RALYL: variants seen among roughly 807,000 people sequenced by gnomAD.
The protein encoded by RALYL is RALY RNA binding protein like.
Under a neutral mutation model 35.1 loss-of-function variants are expected in RALYL, and 29 were observed. The observed-to-expected ratio is 0.83, with a 90% confidence interval of 0.61 to 1.13. The LOEUF (loss-of-function observed/expected upper bound fraction) is 1.13. Ranked by LOEUF, RALYL falls within the 50% of genes most tolerant of loss-of-function variation. The probability of loss-of-function intolerance (pLI) is 0.00; values close to 1 mark genes in which losing one functional copy is unlikely to be tolerated. For synonymous variants in RALYL, 120 were observed against 127.6 expected (o/e 0.94, Z 0.40); for missense variants, 359 against 360.4 (o/e 1.00, Z 0.03).
intron 2 of RALYL, among the ~76,000 whole-genome samples, chr8:84,536,251 T>C (rs946102681): frequency 3.9e-5 from 6 of 152,276 alleles, no homozygotes; most frequent in Middle Eastern, 3.4e-3. Flanking sequence ...AAAGAAAGTA[T>C]CATGGAAGAG....
At chr8:84,523,982 G>A (rs1218358213) in intron 1 of RALYL, among the ~76,000 whole-genome samples, 3 of 152,042 alleles carry the variant, frequency 2.0e-5, no homozygotes, top group Non-Finnish European at 2.9e-5. Context: ...ACATACATGT[G>A]CATGTGTCTT....
intron 4 of RALYL, among the ~76,000 whole-genome samples, chr8:84,834,000 C>T (rs1006941487): frequency 1.3e-5 from 2 of 151,980 alleles, no homozygotes; most frequent in African/African-American, 2.4e-5. Flanking sequence ...AGCTAGTCTC[C>T]ACCATAAAGA....
intron 2 of RALYL, among the ~76,000 whole-genome samples, chr8:84,701,326 T>C (rs1053310717): frequency 2.0e-5 from 3 of 152,184 alleles, no homozygotes; most frequent in Non-Finnish European, 4.4e-5. Flanking sequence ...TTGTAGGAGC[T>C]GTCTGGTCTC....
intron 2 of RALYL, among the ~76,000 whole-genome samples, chr8:84,651,710 G>A (rs1828868225): frequency 6.6e-6 from 1 of 152,058 alleles, no homozygotes; most frequent in African/African-American, 2.4e-5. Context: ...CGTGTTATAT[G>A]AAAAAAACTT....
At chr8:84,205,683 T>C (rs1444998168) in intron 1 of RALYL, among the ~76,000 whole-genome samples, 1 of 152,232 alleles carries the variant, frequency 6.6e-6, no homozygotes, top group Non-Finnish European at 1.5e-5. Context: ...TCAAGTAATC[T>C]ATCTTTGTAA....
chr8:84,757,865 C>A (rs1342673327), intron 2 of RALYL, among the ~76,000 whole-genome samples: 1 of 152,046 alleles, frequency 6.6e-6, no homozygotes, highest in Non-Finnish European at 1.5e-5. Flanking sequence ...GAGAATATTT[C>A]TATATGGCAA....
intron 2 of RALYL, 41 bp from the exon 3 acceptor site, chr8:84,774,538 C>T (rs762363569): frequency 3.4e-5 from 44 of 1,286,900 alleles, no homozygotes; most frequent in Middle Eastern, 3.7e-4. Flanking sequence ...CAGATGGTTT[C>T]GTATTTTCTT....
intron 1 of RALYL, among the ~76,000 whole-genome samples, chr8:84,523,682 C>T (rs1432222728): frequency 1.6e-5 from 2 of 121,406 alleles, no homozygotes; most frequent in Non-Finnish European, 3.3e-5. Context: ...CACCCCACCA[C>T]AGTCCCCAGA....
At chr8:84,697,711 G>A (rs1402390790) in intron 2 of RALYL, among the ~76,000 whole-genome samples, 1 of 151,940 alleles carries the variant, frequency 6.6e-6, no homozygotes, top group African/African-American at 2.4e-5. Flanking sequence ...GTACCTATTA[G>A]TTATTTTTTC....
chr8:84,447,524 G>A (rs569139324), intron 1 of RALYL, among the ~76,000 whole-genome samples: 33 of 152,158 alleles, frequency 2.2e-4, no homozygotes, highest in Middle Eastern at 3.4e-3. Context: ...ATTTGTTTGA[G>A]AGAGTAAATC....
intron 1 of RALYL, among the ~76,000 whole-genome samples, chr8:84,290,546 G>A (rs1405895664): frequency 6.6e-6 from 1 of 152,150 alleles, no homozygotes; most frequent in African/African-American, 2.4e-5. Flanking sequence ...GCCAGGATGA[G>A]CCAGGAAAAG....
chr8:84,246,840 C>T (rs1829196441), intron 1 of RALYL, among the ~76,000 whole-genome samples: 1 of 151,972 alleles, frequency 6.6e-6, no homozygotes, highest in Non-Finnish European at 1.5e-5. Flanking sequence ...AACAACTGAC[C>T]AATCTCCAAG....
chr8:84,811,446 A>G (rs1266589836), intron 4 of RALYL, among the ~76,000 whole-genome samples: 1 of 151,972 alleles, frequency 6.6e-6, no homozygotes, highest in Non-Finnish European at 1.5e-5. Flanking sequence ...ATCTCTTAAG[A>G]TTCTTTCCTT....
chr8:84,575,420 A>T (rs1809118394), intron 2 of RALYL, among the ~76,000 whole-genome samples: 1 of 152,184 alleles, frequency 6.6e-6, no homozygotes, highest in Non-Finnish European at 1.5e-5. Flanking sequence ...CTTTAGTTTG[A>T]GGATAAAATT....
intron 2 of RALYL, among the ~76,000 whole-genome samples, chr8:84,596,901 C>G (rs549086446): frequency 6.6e-6 from 1 of 152,008 alleles, no homozygotes; most frequent in Admixed American, 6.6e-5. Flanking sequence ...TTACTGATAT[C>G]AATAGAGCAG....
chr8:84,814,326 C>T (rs1388413336), intron 4 of RALYL, among the ~76,000 whole-genome samples: 4 of 151,984 alleles, frequency 2.6e-5, no homozygotes, highest in Non-Finnish European at 5.9e-5. Flanking sequence ...ATTATAAAAA[C>T]CAACAGAAGT....
At chr8:84,659,899 C>T (rs1047933607) in intron 2 of RALYL, among the ~76,000 whole-genome samples, 1 of 151,984 alleles carries the variant, frequency 6.6e-6, no homozygotes, top group African/African-American at 2.4e-5. Context: ...AGTAGGATTA[C>T]TAATATCATT....
intron 2 of RALYL, among the ~76,000 whole-genome samples, chr8:84,583,147 T>G (rs974847472): frequency 6.6e-6 from 1 of 152,134 alleles, no homozygotes; most frequent in Non-Finnish European, 1.5e-5. Flanking sequence ...TAAATAACAG[T>G]GCCTTTTAAA....
chr8:84,720,626 A>G (rs1318862071), intron 2 of RALYL, among the ~76,000 whole-genome samples: 1 of 152,204 alleles, frequency 6.6e-6, no homozygotes, highest in Non-Finnish European at 1.5e-5. Flanking sequence ...ATCGAAAGCA[A>G]AAGTAGAAAA....
Sources: gnomAD v4.1 joint callset for allele counts (sites outside exome capture counted in the v4.1 genomes callset) on GRCh38, gnomAD v4.1.1 for gene constraint, MANE v1.5 for transcripts, NCBI Gene and HGNC (gene_info 2026-07-23, HGNC 2026-07-21) for gene names.